WDR74: variants seen among roughly 807,000 people sequenced by gnomAD.
The protein encoded by WDR74 is WD repeat-containing protein 74.
WDR74 carries 31 observed loss-of-function variants against 45.6 expected under a neutral mutation model. The ratio of observed to expected loss-of-function variants is 0.68; its 90% CI spans 0.51 to 0.92. WDR74 has a LOEUF of 0.92. Ranked by LOEUF, WDR74 falls within the 40% of genes least tolerant of loss-of-function variation. The pLI, the probability that WDR74 is intolerant of heterozygous loss-of-function variation, is 0.00. For synonymous variants in WDR74, 191 were observed against 192.4 expected, an observed-to-expected ratio of 0.99 and a Z score of 0.06; for missense variants, 455 against 497.2, an observed-to-expected ratio of 0.92 and a Z score of 0.81.
intron 10 of WDR74, 39 bp from the exon 11 acceptor site, chr11:62,833,170 G>A (rs752868465): frequency 3.1e-6 from 5 of 1,596,224 alleles, no homozygotes; most frequent in East Asian, 2.2e-5. Context: ...CAGGGGGGCC[G>A]GGCACGGTGG....
At chr11:62,839,730 G>T (rs2085020583), upstream of WDR74, 5 of 887,132 alleles carry the variant, frequency 5.6e-6, no homozygotes, top group Middle Eastern at 2.2e-4. Context: ...AAACCAGGAG[G>T]TGCTTGTTTA....
rs966437141 is a variant in WDR74, at chr11:62,837,519, A to AC, written c.294-1484_294-1483insG. ...ATATAAAAAAAAAACAAAAAACAAAAAAAAAAAAACGCTTCCTTGTTATCA... is the reference window on the plus strand; with the variant it reads ...ATATAAAAAAAAAACAAAAAACAAAACAAAAAAAAACGCTTCCTTGTTATCA... On this transcript the variant is annotated intron_variant, in intron 3 of 10. Transcript: ENST00000278856. 8.7e-5 allele frequency among the ~76,000 whole-genome samples: 13 copies of AC among 149,964 alleles called. No homozygotes were observed. The South Asian group carries it at 1.0e-3, about 12-fold the overall frequency.
chr11:62,834,569 C>T (rs1263332699), intron 6 of WDR74, 42 bp from the exon 7 acceptor site: 4 of 1,550,412 alleles, frequency 2.6e-6, no homozygotes, highest in East Asian at 4.5e-5. Context: ...CCTCACCCTG[C>T]ACCTACCCTC....
At chr11:62,834,044 C>A in intron 8 of WDR74, 107 bp from the exon 9 acceptor site, 1 of 1,506,154 alleles carries the variant, frequency 6.6e-7, no homozygotes, top group Non-Finnish European at 9.0e-7. Flanking sequence ...TGCAACAAAA[C>A]CCTGAGACTG....
rs376886585 is a variant in WDR74, at chr11:62,839,232, G to A, written c.175C>T (p.Leu59=). The A allele has an allele frequency of 1.9e-6, 3 of 1,613,426 alleles. No homozygotes were observed. In the African/African-American group the frequency reaches 4.0e-5, roughly 22 times the overall value. Residue 59 remains leucine (L), a synonymous_variant, in exon 3 of 11, where the codon CTG becomes TTG. Transcript: ENST00000278856. ...CWGTGGETQM[L]VGCADRTVKH... is the part of the protein sequence containing the mutation. ...ACCGTCCTGTCCGCGCAGCCCACCA[G>A]CATCTGCGGCAAAGAAGGGCAAGAT...
At chr11:62,836,095 T>C (rs564842663) in intron 3 of WDR74, 59 bp from the exon 4 acceptor site, 1 of 1,492,610 alleles carries the variant, frequency 6.7e-7, no homozygotes, top group Admixed American at 2.0e-5. Flanking sequence ...GTTCTAATCT[T>C]TCTCTCCTCC....
At chr11:62,841,653 C>G (rs544304635), upstream of WDR74, 11 of 152,218 alleles carry the variant, frequency 7.2e-5, no homozygotes, top group South Asian at 2.1e-4. Context: ...ACTGCAATAC[C>G]AGGTCGATGC....
intron 3 of WDR74, among the ~76,000 whole-genome samples, chr11:62,837,881 CAAGTTGAGCCCAGG>C (rs1284844671): frequency 3.9e-5 from 6 of 152,202 alleles, no homozygotes; most frequent in Admixed American, 1.3e-4. Context: ...TGGTTGAGCT[CAAGTTGAGCCCAGG>C]AGTTTGAGAC....
Position 62,834,434 on chromosome 11 carries a change from C to G in WDR74, c.712G>C (p.Gly238Arg), listed in dbSNP as rs2084928365. 6.9e-6 allele frequency: 11 copies of G among 1,604,452 alleles called. No homozygotes were observed. Among genetic ancestry groups the G allele is most frequent in the Non-Finnish European group, 9.4e-6 (11 of 1,174,576 alleles). The change falls in exon 7 of 11, where the codon GGA (glycine) becomes CGA (arginine). Residue 238 changes from glycine (G) to arginine (R), a missense_variant. Gly to Arg is a moderately radical substitution (Grantham distance 125). Coordinates refer to ENST00000278856, the MANE Select transcript of WDR74 (RefSeq NM_001369450.1). ...TCCCCTCTAAACACTCACTTGCCTCCCGGAGTGAGGGTCATGGCTGTTAGT... is the reference window on the plus strand; with the variant it reads ...TCCCCTCTAAACACTCACTTGCCTCGCGGAGTGAGGGTCATGGCTGTTAGT... ...YPLTAMTLTP[G>R]GNSVIVGNTH...
chr11:62,841,567 A>G (rs144035004), upstream of WDR74: 6 of 152,320 alleles, frequency 3.9e-5, no homozygotes, highest in East Asian at 5.8e-4. Context: ...TTTAGCTTGT[A>G]CCCTAACTGA....
At chr11:62,841,613 C>CA (rs1157574621), upstream of WDR74, 1 of 152,168 alleles carries the variant, frequency 6.6e-6, no homozygotes, top group African/African-American at 2.4e-5. Flanking sequence ...TGTTCTCTCC[C>CA]CGAAGGGAGA....
chr11:62,834,050 G>T (rs748481123), intron 8 of WDR74, 113 bp from the exon 9 acceptor site: 2 of 1,484,614 alleles, frequency 1.3e-6, no homozygotes, highest in Non-Finnish European at 1.8e-6. Context: ...AAAACCCTGA[G>T]ACTGGAGCTT....
upstream of WDR74, chr11:62,839,687 A>G (rs2085019938): frequency 7.9e-7 from 1 of 1,259,338 alleles, no homozygotes; most frequent in Admixed American, 2.6e-5. Context: ...CGAAACAGTA[A>G]AGCTTCCATG....
intron 10 of WDR74, 38 bp downstream of exon 10, chr11:62,833,580 T>G: frequency 6.4e-7 from 1 of 1,551,104 alleles, no homozygotes. Context: ...CTCACATCTA[T>G]GCCCTTGGCT....
At chr11:62,834,583 CG>C in intron 6 of WDR74, 56 bp from the exon 7 acceptor site, 3 of 1,476,396 alleles carry the variant, frequency 2.0e-6, no homozygotes, top group South Asian at 1.2e-5. Context: ...TACCCTCTGG[CG>C]TCTCTGCATC....
chr11:62,840,221 T>C (rs371449953), upstream of WDR74: 1 of 152,698 alleles, frequency 6.5e-6, no homozygotes, highest in African/African-American at 2.4e-5. Context: ...GGCTCACGCC[T>C]GTAATCCCAG....
At chr11:62,835,055 T>C (rs983439407) in intron 6 of WDR74, 8 of 236,146 alleles carry the variant, frequency 3.4e-5, no homozygotes, top group African/African-American at 1.3e-4. Context: ...GCTGAGGAGC[T>C]GAGGCCAGAG....
At chr11:62,833,756 C>T (rs1409234594) in intron 9 of WDR74, 36 bp downstream of exon 9, 2 of 1,609,132 alleles carry the variant, frequency 1.2e-6, no homozygotes, top group Non-Finnish European at 8.5e-7. Flanking sequence ...GGGGCCTCCA[C>T]AAGACCATGA....
In WDR74 at chr11:62,833,647, G is replaced by C. The variant is rs771915719; in HGVS notation, c.949C>G (p.Leu317Val). Residue 317 changes from leucine (L) to valine (V), a missense_variant, in exon 10 of 11, where the codon CTC (leucine) becomes GTC (valine). Leu to Val is a conservative substitution (Grantham distance 32). Coordinates refer to ENST00000278856, the MANE Select transcript of WDR74 (RefSeq NM_001369450.1). Reference protein sequence around the residue: ...KVYLKSQLNCLLLSGRDNWED... With the variant: ...KVYLKSQLNCVLLSGRDNWED... ...CAGTTGTCCCTGCCTGACAAGAGGA[G>C]GCAGTTCAATTGAGACTTGAGATAA... The C allele has an allele frequency of 2.1e-5, 33 of 1,553,112 alleles. No individual in the cohort carries two copies. The highest frequency in any genetic ancestry group is 2.8e-5 in the Non-Finnish European group (32 of 1,147,808).
Sources: allele counts gnomAD v4.1 joint callset (sites outside exome capture counted in the v4.1 genomes callset), GRCh38; gene constraint gnomAD v4.1.1; transcripts MANE v1.5; gene names NCBI Gene and HGNC (gene_info 2026-07-23, HGNC 2026-07-21).